The following DPP6 variants were observed in gnomAD, a reference collection of about 807,000 sequenced individuals.
DPP6 encodes dipeptidyl peptidase like 6.
A neutral mutation model predicts 122.6 loss-of-function variants in DPP6; 69 were observed. The ratio of observed to expected loss-of-function variants is 0.56; its 90% confidence interval spans 0.46 to 0.69. DPP6 has a LOEUF of 0.69. Among genes scored for constraint, DPP6 ranks in the 30% least tolerant of loss-of-function variants. The pLI, the probability that DPP6 is intolerant of heterozygous loss-of-function variation, is 0.00. For synonymous variants in DPP6, 418 were observed against 433.1 expected, an observed-to-expected ratio of 0.97 and a Z score of 0.43; for missense variants, 928 against 1,116.9, an observed-to-expected ratio of 0.83 and a Z score of 2.41.
intron 7 of DPP6, among the ~76,000 whole-genome samples, chr7:154,671,885 C>CACACAT (rs1262766358): frequency 2.6e-5 from 4 of 152,136 alleles, no homozygotes; most frequent in African/African-American, 9.7e-5. Flanking sequence ...CACACACACA[C>CACACAT]ACAATGGTAG....
rs1804787499 is a variant in DPP6, at chr7:154,875,703, T to G, written c.1884-203T>G. On this transcript the variant is annotated intron_variant, in intron 19 of 25. Coordinates refer to ENST00000377770, the MANE Select transcript of DPP6 (RefSeq NM_130797.4). The surrounding 1 kb of genome is among the most constrained non-coding windows in gnomAD (Gnocchi z 4.5). ...CCTGGGTGTCCTAGGCTCTTGGAGG[T>G]CTCCTCTTCCTCCTCACTTTATGGG... Among the ~76,000 whole-genome samples the G allele has an allele frequency of 6.6e-6, 1 of 151,596 alleles. No individual in the cohort carries two copies. The highest frequency in any genetic ancestry group is 2.4e-5 in the African/African-American group (1 of 41,198).
intron 1 of DPP6, among the ~76,000 whole-genome samples, chr7:154,338,637 T>G (rs977175239): frequency 6.6e-6 from 1 of 151,854 alleles, no homozygotes; most frequent in Non-Finnish European, 1.5e-5. Flanking sequence ...TCATCCATCT[T>G]ATTTCTTCTG....
chr7:154,036,023 T>C (rs201769309), intron 1 of DPP6, among the ~76,000 whole-genome samples: 34,324 of 103,370 alleles, frequency 0.33, 4,188 homozygotes, highest in African/African-American at 0.42. Context: ...CGCGCGCTTG[T>C]GTGTGTGTGT....
At chr7:154,859,291 A>ATT (rs1245718098) in intron 17 of DPP6, among the ~76,000 whole-genome samples, 13 of 152,262 alleles carry the variant, frequency 8.5e-5, no homozygotes, top group African/African-American at 3.1e-4. Flanking sequence ...GAGCCAGGAA[A>ATT]GCGGGGCCCA....
At chr7:154,573,852 T>A (rs1201761747) in intron 5 of DPP6, among the ~76,000 whole-genome samples, 1 of 152,224 alleles carries the variant, frequency 6.6e-6, no homozygotes, top group African/African-American at 2.4e-5. Flanking sequence ...ATAATGCTGA[T>A]GTGGGCTCCT....
intron 7 of DPP6, among the ~76,000 whole-genome samples, chr7:154,673,473 C>T (rs1019784301): frequency 5.3e-5 from 8 of 152,204 alleles, no homozygotes; most frequent in Admixed American, 3.9e-4. Flanking sequence ...ACCCATAGAA[C>T]ATTTCTCCGG....
chr7:154,597,635 T>G (rs1833179784), intron 5 of DPP6, among the ~76,000 whole-genome samples: 1 of 151,638 alleles, frequency 6.6e-6, no homozygotes, highest in African/African-American at 2.4e-5. Context: ...GAGTAGTATA[T>G]TACTTTGCTA....
the DPP6 span, among the ~76,000 whole-genome samples, chr7:153,817,531 CT>C: frequency 6.6e-6 from 1 of 151,704 alleles, no homozygotes; most frequent in African/African-American, 2.4e-5. Context: ...ATAAAAGTCA[CT>C]GTATTGCATT....
intron 1 of DPP6, among the ~76,000 whole-genome samples, chr7:154,284,521 A>AT (rs1804726224): frequency 6.6e-6 from 1 of 152,210 alleles, no homozygotes; most frequent in African/African-American, 2.4e-5. Context: ...AAAAGAAATG[A>AT]AGTTCTGATA....
In DPP6 at chr7:154,061,867, A is replaced by AC. The variant is rs1306027147; in HGVS notation, c.243+8810dup. ...GATCCCCATCGCTGGGGGCGGAGGC[A>AC]CCCCCCGCGAGGCAGGGACTGAGAG... On this transcript the variant is annotated intron_variant, in intron 1 of 25. Coordinates refer to ENST00000377770, the MANE Select transcript of DPP6 (RefSeq NM_130797.4). Among the ~76,000 whole-genome samples, 84 of 116,136 alleles carry AC rather than the reference A, an allele frequency of 7.2e-4. 2 individuals are homozygous for AC. Among genetic ancestry groups the AC allele is most frequent in the Non-Finnish European group, 1.1e-3 (62 of 55,830 alleles). 76.2% of individuals were successfully genotyped at this position (116,136 alleles called of 152,430 possible).
chr7:154,162,586 C>G (rs1797037256), intron 1 of DPP6, among the ~76,000 whole-genome samples: 1 of 152,178 alleles, frequency 6.6e-6, no homozygotes, highest in African/African-American at 2.4e-5. Context: ...AAACTCGACA[C>G]CTGGAATCTG....
chr7:153,829,893 A>G, the DPP6 span, among the ~76,000 whole-genome samples: 2 of 152,170 alleles, frequency 1.3e-5, no homozygotes, highest in Admixed American at 6.5e-5. Flanking sequence ...TTATAACTGC[A>G]AGGAGCTCGT....
At chr7:154,627,265 G>A (rs1357995634) in intron 5 of DPP6, among the ~76,000 whole-genome samples, 1 of 142,510 alleles carries the variant, frequency 7.0e-6, no homozygotes, top group Non-Finnish European at 1.5e-5. Flanking sequence ...GCGCGATCTC[G>A]GCTTACTGCA....
At chr7:154,564,933 A>AT (rs1246468052) in intron 4 of DPP6, among the ~76,000 whole-genome samples, 7 of 152,056 alleles carry the variant, frequency 4.6e-5, no homozygotes, top group Middle Eastern at 3.2e-3. Context: ...TTGGTGCTCC[A>AT]TTTTTTTGCA....
chr7:154,772,955 C>A lies in DPP6; in HGVS notation c.1136+13C>A. 1 of 1,490,936 alleles carries A rather than the reference C, an allele frequency of 6.7e-7. No individual in the cohort carries two copies. Among genetic ancestry groups the A allele is most frequent in the Non-Finnish European group, 8.9e-7 (1 of 1,123,680 alleles). 92.4% of individuals were successfully genotyped at this position (1,490,936 alleles called of 1,614,324 possible). On this transcript the variant is annotated intron_variant, in intron 10 of 25. Transcript: ENST00000377770. ...ATCCACGGATGAGGTTTGCTTCCTT[C>A]TATTATGTTACCAAAAAAAAAAAAA...
chr7:154,152,627 G>T (rs1456193564), intron 1 of DPP6, among the ~76,000 whole-genome samples: 1 of 152,318 alleles, frequency 6.6e-6, no homozygotes, highest in East Asian at 1.9e-4. Context: ...AGTTCACTTA[G>T]TTCCGGCAAA....
At chr7:153,812,949 G>A in the DPP6 span, among the ~76,000 whole-genome samples, 2 of 151,974 alleles carry the variant, frequency 1.3e-5, no homozygotes, top group South Asian at 2.1e-4. Context: ...AGATTTTAAC[G>A]GTAATGAAGA....
chr7:154,842,921 G>A (rs1162524662), intron 16 of DPP6, among the ~76,000 whole-genome samples: 1 of 152,200 alleles, frequency 6.6e-6, no homozygotes, highest in Non-Finnish European at 1.5e-5. Context: ...CCACGAGGCA[G>A]GCTTATTTAT....
chr7:154,239,830 A>AG (rs1281441994), intron 1 of DPP6, among the ~76,000 whole-genome samples: 1 of 150,996 alleles, frequency 6.6e-6, no homozygotes, highest in African/African-American at 2.4e-5. Context: ...AAAAAAAAAA[A>AG]AAAAGAAAAA....
Sources: allele counts gnomAD v4.1 joint callset (sites outside exome capture counted in the v4.1 genomes callset), GRCh38; gene constraint gnomAD v4.1.1; non-coding constraint Gnocchi (gnomAD v3.1); transcripts MANE v1.5; gene names NCBI Gene and HGNC (gene_info 2026-07-23, HGNC 2026-07-21).